Variants in PARD3 observed in about 807,000 individuals in gnomAD.
PARD3 encodes the protein par-3 family cell polarity regulator, also known as partitioning defective 3 homolog.
PARD3 carries 75 observed loss-of-function variants against 155.4 expected under a neutral mutation model. The ratio of observed to expected loss-of-function variants is 0.48; its 90% CI spans 0.40 to 0.58. The LOEUF is 0.58. PARD3 is among the 20% of genes least tolerant of loss of function. PARD3 has a pLI of 0.00. For synonymous variants in PARD3, 576 were observed against 610.5 expected (o/e 0.94, Z 0.83); for missense variants, 1,642 against 1,721.7 (o/e 0.95, Z 0.82).
chr10:34,533,162 T>C (rs2082974475), intron 2 of PARD3, among the ~76,000 whole-genome samples: 2 of 152,212 alleles, frequency 1.3e-5, no homozygotes, highest in Admixed American at 6.5e-5. Context: ...GACCAAAATA[T>C]TGTTATTCAG....
intron 1 of PARD3, among the ~76,000 whole-genome samples, chr10:34,794,370 T>C (rs1160376978): frequency 6.6e-6 from 1 of 152,230 alleles, no homozygotes; most frequent in Non-Finnish European, 1.5e-5. Context: ...TCTTCAAATA[T>C]GACATCTCTT....
intron 20 of PARD3, among the ~76,000 whole-genome samples, chr10:34,285,298 G>A (rs1424437611): frequency 3.3e-5 from 5 of 152,142 alleles, no homozygotes; most frequent in Non-Finnish European, 2.9e-5. Context: ...AGTGGTTCAC[G>A]CCTGTAATTC....
intron 2 of PARD3, among the ~76,000 whole-genome samples, chr10:34,576,329 C>A (rs566178705): frequency 2.0e-5 from 3 of 152,288 alleles, no homozygotes; most frequent in South Asian, 4.1e-4. Context: ...GGGCTGTCTG[C>A]TTGCTTGTGC....
intron 23 of PARD3, among the ~76,000 whole-genome samples, chr10:34,128,576 T>C (rs1024824200): frequency 3.3e-5 from 5 of 152,096 alleles, no homozygotes; most frequent in Admixed American, 2.6e-4. Flanking sequence ...GGATTTCTGA[T>C]TGTGTGTGTG....
At chr10:34,497,107 CAGA>C (rs1486327075) in intron 3 of PARD3, among the ~76,000 whole-genome samples, 2 of 152,124 alleles carry the variant, frequency 1.3e-5, no homozygotes, top group East Asian at 3.8e-4. Context: ...TCCAGCAATG[CAGA>C]AGACTAGTGA....
chr10:34,183,263 T>A (rs1950344452), intron 22 of PARD3, among the ~76,000 whole-genome samples: 1 of 152,198 alleles, frequency 6.6e-6, no homozygotes, highest in Non-Finnish European at 1.5e-5. Flanking sequence ...GGTCTTGCTC[T>A]GTCGCCCAGA....
intron 3 of PARD3, among the ~76,000 whole-genome samples, chr10:34,495,115 T>A (rs1343567841): frequency 6.6e-6 from 1 of 152,018 alleles, no homozygotes; most frequent in Non-Finnish European, 1.5e-5. Flanking sequence ...AAAGAAAATG[T>A]TAAACTCATT....
chr10:34,616,835 T>A (rs1368007713), intron 2 of PARD3, among the ~76,000 whole-genome samples: 2 of 147,982 alleles, frequency 1.4e-5, no homozygotes, highest in African/African-American at 5.1e-5. Flanking sequence ...CTCAGGACAC[T>A]GAGGTGGAAG....
At chr10:34,168,292 G>C (rs1326804029) in intron 22 of PARD3, among the ~76,000 whole-genome samples, 3 of 152,288 alleles carry the variant, frequency 2.0e-5, no homozygotes, top group Non-Finnish European at 4.4e-5. Flanking sequence ...TGAAAGCCTA[G>C]TAGATCACTC....
At chr10:34,325,342 C>T (rs1261319733) in intron 19 of PARD3, among the ~76,000 whole-genome samples, 3 of 152,100 alleles carry the variant, frequency 2.0e-5, no homozygotes, top group Non-Finnish European at 4.4e-5. Flanking sequence ...CCCATACACA[C>T]CAACCTAACA....
chr10:34,193,655 G>T (rs1428608554), intron 22 of PARD3, among the ~76,000 whole-genome samples: 2 of 152,050 alleles, frequency 1.3e-5, no homozygotes, highest in Admixed American at 1.3e-4. Flanking sequence ...TTTAGCAATG[G>T]GTAGTTTATT....
chr10:34,478,878 AT>A (rs1346399491), intron 3 of PARD3, among the ~76,000 whole-genome samples: 1 of 152,102 alleles, frequency 6.6e-6, no homozygotes, highest in Non-Finnish European at 1.5e-5. Context: ...AAAGCCAAGC[AT>A]TTTTCTGAGG....
At chr10:34,710,925 C>G (rs1341829796) in intron 1 of PARD3, among the ~76,000 whole-genome samples, 1 of 152,136 alleles carries the variant, frequency 6.6e-6, no homozygotes, top group Admixed American at 6.5e-5. Context: ...CGCATAACCT[C>G]AGCACTCCAG....
intron 2 of PARD3, among the ~76,000 whole-genome samples, chr10:34,605,050 T>C (rs1295562204): frequency 6.6e-6 from 1 of 152,108 alleles, no homozygotes; most frequent in Non-Finnish European, 1.5e-5. Flanking sequence ...TGGTGATTAT[T>C]ATTATATGTT....
intron 3 of PARD3, among the ~76,000 whole-genome samples, chr10:34,489,441 G>A (rs2079729659): frequency 6.6e-6 from 1 of 152,154 alleles, no homozygotes; most frequent in Non-Finnish European, 1.5e-5. Context: ...GGAGTATGAC[G>A]GAAGCACTTT....
chr10:34,232,863 G>T (rs1044318936), intron 22 of PARD3, among the ~76,000 whole-genome samples: 3 of 151,850 alleles, frequency 2.0e-5, no homozygotes, highest in Non-Finnish European at 2.9e-5. Flanking sequence ...ATCACGTGTG[G>T]CTAATTTTTT....
chr10:34,331,126 T>C lies in PARD3; in HGVS notation c.2824A>G (p.Met942Val), dbSNP rs1347395458. 6.2e-7 allele frequency: 1 copy of C among 1,612,394 alleles called. No individual in the cohort carries two copies. The highest frequency in any genetic ancestry group is 8.5e-7 in the Non-Finnish European group (1 of 1,178,424). Reference protein sequence around the residue: ...KPAVDDDDEGMETLEEDTEES... With the variant: ...KPAVDDDDEGVETLEEDTEES... ...GCCATTATAAACTTACAGGTCTCCA[T>C]GCCTTCATCATCATCATCTACCGCG... Residue 942 changes from methionine to valine, a missense_variant, in exon 19 of 25, where the codon ATG becomes GTG. This residue lies in a region of PARD3 where 1,529 missense variants were observed against 1,587.3 expected (regional missense o/e 0.96). Transcript: ENST00000374788.
intron 2 of PARD3, among the ~76,000 whole-genome samples, chr10:34,687,845 T>C (rs867517111): frequency 1.8e-4 from 21 of 119,584 alleles, no homozygotes; most frequent in African/African-American, 5.9e-4. Flanking sequence ...ACACCTGAAA[T>C]CTTTTTTTTT....
intron 22 of PARD3, among the ~76,000 whole-genome samples, chr10:34,179,626 A>T (rs1183243603): frequency 6.6e-6 from 1 of 152,228 alleles, no homozygotes; most frequent in Non-Finnish European, 1.5e-5. Flanking sequence ...TTCTTTGCAC[A>T]ACTCATACCA....
Sources: gnomAD v4.1 joint callset for allele counts (sites outside exome capture counted in the v4.1 genomes callset) on GRCh38, gnomAD v4.1.1 for gene constraint, gnomAD v4.1.1 regional missense constraint, MANE v1.5 for transcripts, NCBI Gene and HGNC (gene_info 2026-07-23, HGNC 2026-07-21) for gene names.